LRP1B: variants seen among roughly 807,000 people sequenced by gnomAD.
The protein encoded by LRP1B is LDL receptor related protein 1B, also known as low-density lipoprotein receptor-related protein 1B.
LRP1B carries 217 observed loss-of-function variants against 556.6 expected under a neutral mutation model. The ratio of observed to expected loss-of-function variants is 0.39; its 90% CI spans 0.35 to 0.44. LRP1B has a LOEUF of 0.44. LRP1B is among the 20% of genes least tolerant of loss of function. The probability of loss-of-function intolerance (pLI) is 1.00; values close to 1 mark genes in which losing one functional copy is unlikely to be tolerated. For missense variants in LRP1B, 5,053 were observed against 5,620.8 expected (o/e 0.90, Z 3.23); for synonymous variants, 2,047 against 1,865.8 (o/e 1.10, Z -2.50).
At chr2:140,356,738 T>C (rs1170914668) in intron 74 of LRP1B, among the ~76,000 whole-genome samples, 1 of 151,818 alleles carries the variant, frequency 6.6e-6, no homozygotes, top group African/African-American at 2.4e-5. Context: ...GCTGTAACAC[T>C]TTTTAAAAAT....
intron 1 of LRP1B, among the ~76,000 whole-genome samples, chr2:142,073,888 T>C (rs867981386): frequency 6.6e-6 from 1 of 151,914 alleles, no homozygotes; most frequent in Admixed American, 6.6e-5. Flanking sequence ...CTTTGGGCCA[T>C]GATTGAAAAT....
chr2:140,849,372 A>G (rs1309995279), intron 29 of LRP1B, among the ~76,000 whole-genome samples: 1 of 127,452 alleles, frequency 7.8e-6, no homozygotes, highest in East Asian at 2.0e-4. Context: ...ACTCTGTCTC[A>G]AAAAAAAAAC....
At chr2:141,777,591 T>C (rs1046370152) in intron 2 of LRP1B, among the ~76,000 whole-genome samples, 2 of 152,006 alleles carry the variant, frequency 1.3e-5, no homozygotes, top group Non-Finnish European at 2.9e-5. Flanking sequence ...TATTTTGTAT[T>C]TTTAGTAGAG....
chr2:141,463,332 T>A lies in LRP1B; in HGVS notation c.343+17064A>T, dbSNP rs923497768. Among the ~76,000 whole-genome samples the A allele has an allele frequency of 9.9e-5, 15 of 151,780 alleles. 1 individual carries two copies. The highest frequency in any genetic ancestry group is 6.8e-3 in the Middle Eastern group (2 of 294). On this transcript the variant is annotated intron_variant, in intron 3 of 90. Transcript: ENST00000389484. ...ACATTGGAAATATTTATGTTTGCTT[T>A]GGGAAGTATTTCTCACTGAAACTAT...
At chr2:141,262,161 GT>G (rs1227391911) in intron 3 of LRP1B, among the ~76,000 whole-genome samples, 1 of 151,366 alleles carries the variant, frequency 6.6e-6, no homozygotes, top group Non-Finnish European at 1.5e-5. Context: ...TTTTTTCATT[GT>G]GCTTATTAGC....
At position 140,487,744 on chromosome 2, in the gene LRP1B, A is replaced by T. The variant is rs754132743; in HGVS notation, c.9121-5T>A. ...AGCAATAACATTGTTTAATCCCTGAAAATAAAAAAGACTATGTTGTCAATG... is the reference window on the plus strand; with the variant it reads ...AGCAATAACATTGTTTAATCCCTGATAATAAAAAAGACTATGTTGTCAATG... On this transcript the variant is annotated splice_region_variant and splice_polypyrimidine_tract_variant and intron_variant, in intron 57 of 90. Transcript: ENST00000389484. 6.6e-7 allele frequency: 1 copy of T among 1,509,508 alleles called. No homozygotes were observed. The highest frequency in any genetic ancestry group is 9.0e-7 in the Non-Finnish European group (1 of 1,105,878). 93.5% of individuals were successfully genotyped at this position (1,509,508 alleles called of 1,614,324 possible).
intron 2 of LRP1B, among the ~76,000 whole-genome samples, chr2:141,481,782 G>A (rs1284357978): frequency 6.6e-6 from 1 of 152,130 alleles, no homozygotes; most frequent in Non-Finnish European, 1.5e-5. Flanking sequence ...AGTGGCTTGA[G>A]CAAGCTATAT....
At chr2:140,977,124 C>T (rs1019828190) in intron 18 of LRP1B, among the ~76,000 whole-genome samples, 1 of 152,162 alleles carries the variant, frequency 6.6e-6, no homozygotes, top group African/African-American at 2.4e-5. Context: ...CGTCCCCACC[C>T]AAGTCACATC....
chr2:141,392,104 C>T (rs1331090869), intron 3 of LRP1B, among the ~76,000 whole-genome samples: 1 of 152,072 alleles, frequency 6.6e-6, no homozygotes, highest in African/African-American at 2.4e-5. Context: ...GCTGATGAAG[C>T]AAGGAAACTC....
At chr2:140,314,388 G>A (rs1684429774) in intron 83 of LRP1B, among the ~76,000 whole-genome samples, 1 of 151,952 alleles carries the variant, frequency 6.6e-6, no homozygotes, top group Admixed American at 6.6e-5. Flanking sequence ...CATAGCTATT[G>A]CATAAATTAA....
chr2:140,911,744 T>C (rs1694425644), intron 21 of LRP1B, among the ~76,000 whole-genome samples: 1 of 151,750 alleles, frequency 6.6e-6, no homozygotes, highest in Admixed American at 6.6e-5. Context: ...AAATTCCCAT[T>C]TTTAGTTTGG....
At chr2:140,998,046 A>G (rs1053972803) in intron 15 of LRP1B, among the ~76,000 whole-genome samples, 5 of 152,028 alleles carry the variant, frequency 3.3e-5, no homozygotes, top group African/African-American at 9.7e-5. Flanking sequence ...ATTAGATTGC[A>G]TATATCCTAG....
At chr2:142,109,576 T>C (rs1375702986) in intron 1 of LRP1B, among the ~76,000 whole-genome samples, 11 of 152,276 alleles carry the variant, frequency 7.2e-5, no homozygotes, top group Admixed American at 6.5e-4. Context: ...TTTTAAGAAA[T>C]GATATTCTTC....
At chr2:141,960,111 G>A (rs1397018913) in intron 1 of LRP1B, among the ~76,000 whole-genome samples, 1 of 151,902 alleles carries the variant, frequency 6.6e-6, no homozygotes, top group African/African-American at 2.4e-5. Flanking sequence ...GGCTTCATAA[G>A]AGAGAGAAAG....
intron 3 of LRP1B, among the ~76,000 whole-genome samples, chr2:141,419,101 C>CTTT (rs1680044762): frequency 6.6e-6 from 1 of 151,698 alleles, no homozygotes; most frequent in African/African-American, 2.4e-5. Context: ...TATTTATTTT[C>CTTT]TTTTCTAATT....
intron 6 of LRP1B, among the ~76,000 whole-genome samples, chr2:141,212,212 T>C (rs889936312): frequency 2.1e-5 from 3 of 145,756 alleles, no homozygotes; most frequent in Non-Finnish European, 4.5e-5. Flanking sequence ...GTATAAAATT[T>C]ACTTTTCCCC....
intron 2 of LRP1B, among the ~76,000 whole-genome samples, chr2:141,631,892 A>G (rs1274310420): frequency 1.3e-5 from 2 of 152,138 alleles, no homozygotes; most frequent in Admixed American, 6.6e-5. Flanking sequence ...TGTAAGTTTT[A>G]GGAAATTTTA....
At chr2:140,750,087 C>T (rs1453160396) in intron 35 of LRP1B, among the ~76,000 whole-genome samples, 130 of 2,182 alleles carry the variant, frequency 0.06, no homozygotes, top group African/African-American at 0.07. Flanking sequence ...CGTACACACA[C>T]ACACACACAC....
chr2:141,281,998 T>C (rs947782501), intron 3 of LRP1B, among the ~76,000 whole-genome samples: 10 of 152,064 alleles, frequency 6.6e-5, no homozygotes, highest in African/African-American at 2.4e-4. Context: ...TCTTGGTAAA[T>C]AGTAGCTACT....
Sources: allele counts gnomAD v4.1 joint callset (sites outside exome capture counted in the v4.1 genomes callset), GRCh38; gene constraint gnomAD v4.1.1; transcripts MANE v1.5; gene names NCBI Gene and HGNC (gene_info 2026-07-23, HGNC 2026-07-21).